Variants in DPPA4 observed in about 807,000 individuals in gnomAD.
DPPA4 encodes the protein developmental pluripotency-associated protein 4.
A neutral mutation model predicts 33.7 loss-of-function variants in DPPA4; 22 were observed. The ratio of observed to expected loss-of-function variants is 0.65; its 90% CI spans 0.47 to 0.93. The LOEUF (loss-of-function observed/expected upper bound fraction) is 0.93. DPPA4 is among the 40% of genes least tolerant of loss of function. The probability of loss-of-function intolerance (pLI) is 0.00; values close to 1 mark genes in which losing one functional copy is unlikely to be tolerated. For synonymous variants in DPPA4, 156 were observed against 132.3 expected, an observed-to-expected ratio of 1.18 and a Z score of -1.23; for missense variants, 340 against 358.6, an observed-to-expected ratio of 0.95 and a Z score of 0.42.
At chr3:109,337,691 CT>C (rs1332205538), upstream of DPPA4, 3 of 628,992 alleles carry the variant, frequency 4.8e-6, no homozygotes, top group Non-Finnish European at 5.7e-6. Flanking sequence ...CATGGGGTGA[CT>C]TTTGTCTGGG....
chr3:109,332,613 T>C (rs1336573986), intron 2 of DPPA4, among the ~76,000 whole-genome samples: 1 of 152,104 alleles, frequency 6.6e-6, no homozygotes. Flanking sequence ...TACTCAGTGG[T>C]GTCCTCTACC....
chr3:109,337,618 T>C (rs1299495052), upstream of DPPA4: 3 of 997,086 alleles, frequency 3.0e-6, no homozygotes, highest in Non-Finnish European at 3.2e-6. Flanking sequence ...CCTCTTCTTT[T>C]CTTCTCCCCT....
chr3:109,335,040 G>C (rs547188565), intron 1 of DPPA4, among the ~76,000 whole-genome samples: 56 of 152,300 alleles, frequency 3.7e-4, no homozygotes, highest in Non-Finnish European at 6.3e-4. Flanking sequence ...TGAATTAAAG[G>C]AAGCAAAGTG....
chr3:109,333,928 A>G lies in DPPA4; in HGVS notation c.120T>C (p.Ala40=), dbSNP rs750607115. The change falls in exon 2 of 7, where the codon GCT becomes GCC. Residue 40 remains alanine, a synonymous_variant. Transcript: ENST00000335658. ...QQASNQPNSI[A]LPGTSAKRTK... ...TTCTCTTTGCTGATGTTCCTGGCAA[A>G]GCAATTGAATTTGGTTGATTAGAAG... 6 of 1,613,976 alleles carry G rather than the reference A, an allele frequency of 3.7e-6. No homozygotes were observed. Among genetic ancestry groups the G allele is most frequent in the Non-Finnish European group, 3.4e-6 (4 of 1,180,018 alleles).
At position 109,330,780 on chromosome 3, in the gene DPPA4, G is replaced by A. The variant is rs1443044025; in HGVS notation, c.423C>T (p.Ile141=). Residue 141 remains isoleucine (I), a synonymous_variant, in exon 5 of 7, where the codon ATC becomes ATT. Coordinates refer to ENST00000335658, the MANE Select transcript of DPPA4 (RefSeq NM_018189.4). ...DFPSTAKEAK[I]RKSLQKKLKV... is the part of the protein sequence containing the mutation. ...TTAATTTTTTTTGCAATGATTTCCG[G>A]ATTTTGGCCTCTTTTGCTGTGCTAG... The A allele has an allele frequency of 1.2e-6, 2 of 1,613,110 alleles. No individual in the cohort carries two copies. Among genetic ancestry groups the A allele is most frequent in the African/African-American group, 2.7e-5 (2 of 74,814 alleles).
In DPPA4 at chr3:109,329,227, T is replaced by A. The variant is rs956711580; in HGVS notation, c.680-139A>T. 7 of 741,956 alleles carry A rather than the reference T, an allele frequency of 9.4e-6. No homozygotes were observed. In the African/African-American group the frequency reaches 1.1e-4, roughly 11 times the overall value. 46.0% of individuals were successfully genotyped at this position (741,956 alleles called of 1,614,324 possible). A position where few individuals can be genotyped will look rare whatever the true frequency, so the allele number is the denominator to read the frequency against. The stretch of plus-strand genomic sequence containing the variant: ...AAATCCTAACTTAACCTCTTCTCTA[T>A]TCTGTTCTCCTTTAGAAAAGCATAC... On this transcript the variant is annotated intron_variant, in intron 5 of 6. Coordinates refer to ENST00000335658, the MANE Select transcript of DPPA4 (RefSeq NM_018189.4).
chr3:109,331,907 G>A lies in DPPA4; in HGVS notation c.303C>T (p.Ala101=). 2.5e-6 allele frequency: 4 copies of A among 1,614,124 alleles called. No homozygotes were observed. Among genetic ancestry groups the A allele is most frequent in the African/African-American group, 1.3e-5 (1 of 75,028 alleles). The stretch of plus-strand genomic sequence containing the variant: ...AGCTCAGCTTCAATTGTTGGCACCA[G>A]GCCCGCAGAATGTCCCGGTGAATCA... ...VNLIHRDILR[A]WCQQLKLSSK... is the part of the protein sequence containing the mutation. The change falls in exon 3 of 7, where the codon GCC becomes GCT. Residue 101 remains alanine (A), a synonymous_variant. Coordinates refer to ENST00000335658, the MANE Select transcript of DPPA4 (RefSeq NM_018189.4).
chr3:109,339,526 G>A (rs1708273039), upstream of DPPA4, among the ~76,000 whole-genome samples: 1 of 152,068 alleles, frequency 6.6e-6, no homozygotes, highest in Non-Finnish European at 1.5e-5. Context: ...CACTTTGGGA[G>A]GCAGGAGAAT....
chr3:109,339,342 C>A (rs554409530), upstream of DPPA4, among the ~76,000 whole-genome samples: 1 of 152,084 alleles, frequency 6.6e-6, no homozygotes, highest in African/African-American at 2.4e-5. Flanking sequence ...TGGGCAATAA[C>A]GTTAGGTCTC....
In DPPA4 at chr3:109,333,942, G is replaced by C. The variant is rs200651538; in HGVS notation, c.106C>G (p.Pro36Ala). Residue 36 changes from proline to alanine, a missense_variant, in exon 2 of 7, where the codon CCA (proline) becomes GCA (alanine). Around this residue, in one of 3 missense-constraint regions of DPPA4, gnomAD observed 96 missense variants for 91.8 expected, o/e 1.05. Coordinates refer to ENST00000335658, the MANE Select transcript of DPPA4 (RefSeq NM_018189.4). ...REEDQQASNQ[P>A]NSIALPGTSA... Reference sequence around the variant, plus strand: ...GTTCCTGGCAAAGCAATTGAATTTGGTTGATTAGAAGCCTGCTGATCCTCT... The same window carrying C: ...GTTCCTGGCAAAGCAATTGAATTTGCTTGATTAGAAGCCTGCTGATCCTCT... 329 of 1,613,946 alleles carry C rather than the reference G, an allele frequency of 2.0e-4. 1 individual carries two copies. Among genetic ancestry groups the C allele is most frequent in the Non-Finnish European group, 2.5e-4 (296 of 1,179,992 alleles).
chr3:109,329,137 T>C, intron 5 of DPPA4, 49 bp from the exon 6 acceptor site: 15 of 1,557,598 alleles, frequency 9.6e-6, no homozygotes, highest in Non-Finnish European at 1.3e-5. Context: ...CAGGATGACA[T>C]ACTGATGTAA....
intron 4 of DPPA4, among the ~76,000 whole-genome samples, chr3:109,331,469 G>A (rs1250866751): frequency 3.5e-5 from 5 of 142,720 alleles, no homozygotes; most frequent in East Asian, 2.1e-4. Context: ...GCTTGAACCC[G>A]GGAAGTGAAG....
intron 1 of DPPA4, among the ~76,000 whole-genome samples, chr3:109,335,831 T>G (rs1708183141): frequency 2.0e-5 from 3 of 151,894 alleles, no homozygotes; most frequent in Admixed American, 2.0e-4. Context: ...AAGACACAGA[T>G]TAGGGGTACA....
intron 2 of DPPA4, 106 bp downstream of exon 2, chr3:109,333,764 C>T: frequency 1.4e-6 from 2 of 1,380,856 alleles, no homozygotes; most frequent in Non-Finnish European, 2.0e-6. Context: ...GCAGGATTTG[C>T]ACAATACATG....
At position 109,326,410 on chromosome 3, in the gene DPPA4, G is replaced by A. The variant is rs1163440; in HGVS notation, c.*1578C>T. On this transcript the variant is annotated 3_prime_UTR_variant, in exon 7 of 7. Coordinates refer to ENST00000335658, the MANE Select transcript of DPPA4 (RefSeq NM_018189.4). ...ATAATTCTGACCACCAACAACCAAC[G>A]GCGGGGGCGGGCAGGAGAGAAGAAC... 1.3e-5 allele frequency: 2 copies of A among 152,020 alleles called. No homozygotes were observed. Among genetic ancestry groups the A allele is most frequent in the Non-Finnish European group, 2.9e-5 (2 of 67,974 alleles). 9.4% of individuals were successfully genotyped at this position (152,020 alleles called of 1,614,324 possible).
chr3:109,337,201 C>CT (rs374495042), intron 1 of DPPA4, among the ~76,000 whole-genome samples: 8,445 of 145,016 alleles, frequency 0.058, 548 homozygotes, highest in African/African-American at 0.16. Flanking sequence ...CGCCCGGCCT[C>CT]TTTTTTTTTT....
upstream of DPPA4, chr3:109,337,568 C>A (rs139830132): frequency 6.4e-7 from 1 of 1,558,874 alleles, no homozygotes; most frequent in South Asian, 1.1e-5. Flanking sequence ...AGTCTCCTCC[C>A]ACTTCCTGCC....
chr3:109,333,646 G>A (rs1400682214), intron 2 of DPPA4: 1 of 348,418 alleles, frequency 2.9e-6, no homozygotes, highest in Non-Finnish European at 5.1e-6. Context: ...ATGATCAGCA[G>A]AACCAAATAT....
chr3:109,330,196 GA>G, intron 5 of DPPA4: 1 of 321,180 alleles, frequency 3.1e-6, no homozygotes, highest in Non-Finnish European at 6.0e-6. Context: ...AGCTACTCAG[GA>G]AGGCTGAGGC....
Sources: gnomAD v4.1 joint callset for allele counts (sites outside exome capture counted in the v4.1 genomes callset) on GRCh38, gnomAD v4.1.1 for gene constraint, gnomAD v4.1.1 regional missense constraint, MANE v1.5 for transcripts, NCBI Gene and HGNC (gene_info 2026-07-23, HGNC 2026-07-21) for gene names.